The following ESYT2 variants were observed in gnomAD, a reference collection of about 807,000 sequenced individuals.
ESYT2 encodes extended synaptotagmin-2.
In ESYT2, 54 loss-of-function variants were observed where a neutral mutation model predicts 107.2. The observed-to-expected ratio is 0.50, with a 90% CI of 0.40 to 0.63. The LOEUF is 0.63. ESYT2 is among the 30% of genes least tolerant of loss of function. ESYT2 has a pLI of 0.00. For synonymous variants in ESYT2, 491 were observed against 434.1 expected (o/e 1.13, Z -1.63); for missense variants, 1,020 against 1,094.5 (o/e 0.93, Z 0.96).
At chr7:158,801,990 G>C (rs1051268240) in intron 1 of ESYT2, among the ~76,000 whole-genome samples, 1 of 152,086 alleles carries the variant, frequency 6.6e-6, no homozygotes. Flanking sequence ...AAAACAAAAC[G>C]CCTCGGGGGA....
chr7:158,732,190 T>C lies in ESYT2; in HGVS notation c.*2017A>G, dbSNP rs188540295. The C allele has an allele frequency of 1.3e-5, 2 of 152,356 alleles. No individual in the cohort carries two copies. The highest frequency in any genetic ancestry group is 2.9e-5 in the Non-Finnish European group (2 of 68,028). 9.4% of individuals were successfully genotyped at this position (152,356 alleles called of 1,614,324 possible). ...TGTATGGGATGTTGGTAAAAATTAC[T>C]GGCATGCTACAATTTCCATGAGTGC... On this transcript the variant is annotated 3_prime_UTR_variant, in exon 23 of 23. Coordinates refer to ENST00000275418, the MANE Select transcript of ESYT2 (RefSeq NM_001367773.1).
Position 158,788,053 on chromosome 7 carries a change from CCAAT to C in ESYT2, c.694_697del (p.Ile232GlufsTer5). ...CAAAGCTCCAACTAAGGGCATATCT[CCAAT>C]CAACGGTTCCAGGATCACCCGCATG... On this transcript the variant is annotated frameshift_variant, in exon 6 of 23. Coordinates refer to ENST00000275418, the MANE Select transcript of ESYT2 (RefSeq NM_001367773.1). LOFTEE classifies it high-confidence loss of function. 1.9e-6 allele frequency: 3 copies of C among 1,614,130 alleles called. No individual in the cohort carries two copies. The South Asian group carries it at 3.3e-5, about 18-fold the overall frequency.
rs1289788237 is a variant in ESYT2 at position 158,732,604 on chromosome 7, G to C, written c.*1603C>G. 1.3e-5 allele frequency: 2 copies of C among 152,430 alleles called. No homozygotes were observed. Among genetic ancestry groups the C allele is most frequent in the African/African-American group, 4.8e-5 (2 of 41,400 alleles). The allele number at this position is 152,430 out of a possible 1,614,324, so 9.4% of individuals were successfully genotyped here. On this transcript the variant is annotated 3_prime_UTR_variant, in exon 23 of 23. Coordinates refer to ENST00000275418, the MANE Select transcript of ESYT2 (RefSeq NM_001367773.1). Reference sequence around the variant, plus strand: ...TCAAAATCTGCTAGAAGGGAGGGTGGGTAGACAGCCACCAGCCTTGTTTAT... The same window carrying C: ...TCAAAATCTGCTAGAAGGGAGGGTGCGTAGACAGCCACCAGCCTTGTTTAT...
chr7:158,797,141 A>G (rs1391612356), intron 3 of ESYT2, among the ~76,000 whole-genome samples: 3 of 152,166 alleles, frequency 2.0e-5, no homozygotes, highest in Non-Finnish European at 2.9e-5. Flanking sequence ...TCTTCAGAAC[A>G]TAATTTGAAG....
chr7:158,764,003 T>C (rs993067618), intron 9 of ESYT2, among the ~76,000 whole-genome samples: 4 of 152,174 alleles, frequency 2.6e-5, no homozygotes, highest in African/African-American at 4.8e-5. Context: ...TACACATACG[T>C]CAGTCCTTTA....
At chr7:158,811,574 C>T (rs917846123) in intron 1 of ESYT2, among the ~76,000 whole-genome samples, 7 of 152,350 alleles carry the variant, frequency 4.6e-5, no homozygotes, top group Non-Finnish European at 8.8e-5. Flanking sequence ...CACAAGCTCC[C>T]GCACATGTGC....
chr7:158,783,621 G>A (rs1158845878), intron 6 of ESYT2, among the ~76,000 whole-genome samples: 2 of 152,222 alleles, frequency 1.3e-5, no homozygotes, highest in Non-Finnish European at 2.9e-5. Context: ...CAGCTCTGAG[G>A]GAGGAGAGGC....
intron 1 of ESYT2, among the ~76,000 whole-genome samples, chr7:158,808,930 T>C (rs374872631): frequency 5.3e-4 from 81 of 151,850 alleles, no homozygotes; most frequent in African/African-American, 1.9e-3. Flanking sequence ...GAGCCGAGAC[T>C]GCGCCATTAC....
At position 158,829,424 on chromosome 7, in the gene ESYT2, C is replaced by G; in HGVS notation, c.-6G>C. On this transcript the variant is annotated 5_prime_UTR_variant, in exon 1 of 23. Transcript: ENST00000275418. ...TCGCCCCGGGCGCCGCTCATCGCCCCGCAGTGCCGCGCTGCCCTCCCGGCC... is the reference window on the plus strand; with the variant it reads ...TCGCCCCGGGCGCCGCTCATCGCCCGGCAGTGCCGCGCTGCCCTCCCGGCC... 8.4e-7 allele frequency: 1 copy of G among 1,185,262 alleles called. No individual in the cohort carries two copies. The highest frequency in any genetic ancestry group is 1.0e-6 in the Non-Finnish European group (1 of 962,150). The allele number at this position is 1,185,262 out of a possible 1,614,324, so 73.4% of individuals were successfully genotyped here. A position where few individuals can be genotyped will look rare whatever the true frequency, so the allele number is the denominator to read the frequency against.
intron 6 of ESYT2, among the ~76,000 whole-genome samples, chr7:158,780,613 T>C (rs1461050138): frequency 1.3e-5 from 2 of 152,232 alleles, no homozygotes; most frequent in African/African-American, 4.8e-5. Context: ...GAAGTTTTAG[T>C]ATAAGCTTGT....
At chr7:158,761,651 T>A (rs191091375) in intron 10 of ESYT2, 107 bp from the exon 11 acceptor site, 5 of 1,014,048 alleles carry the variant, frequency 4.9e-6, no homozygotes, top group Non-Finnish European at 7.5e-6. Context: ...CCTTAAGCAT[T>A]TGTCTATGAA....
At chr7:158,766,835 A>G (rs1001155124) in intron 8 of ESYT2, among the ~76,000 whole-genome samples, 1 of 152,244 alleles carries the variant, frequency 6.6e-6, no homozygotes, top group African/African-American at 2.4e-5. Flanking sequence ...TCCAAAGTCC[A>G]GACAGACTTA....
intron 13 of ESYT2, among the ~76,000 whole-genome samples, chr7:158,755,212 T>C (rs1395846940): frequency 1.3e-5 from 2 of 152,174 alleles, no homozygotes; most frequent in South Asian, 2.1e-4. Context: ...GAGCACTGGG[T>C]TGGCAGCCGT....
chr7:158,743,800 G>A, intron 16 of ESYT2, 122 bp from the exon 17 acceptor site: 3 of 1,164,858 alleles, frequency 2.6e-6, no homozygotes, highest in South Asian at 3.5e-5. Context: ...GTAGAAAGGG[G>A]CCAGGTGGGG....
intron 6 of ESYT2, among the ~76,000 whole-genome samples, chr7:158,785,459 AAAT>A (rs1310683655): frequency 3.3e-5 from 5 of 151,636 alleles, no homozygotes; most frequent in African/African-American, 1.2e-4. Context: ...ATAAATAAAT[AAAT>A]AAATAAATAA....
chr7:158,746,895 T>TA (rs1172978303), intron 16 of ESYT2, among the ~76,000 whole-genome samples: 1 of 151,662 alleles, frequency 6.6e-6, no homozygotes, highest in African/African-American at 2.4e-5. Flanking sequence ...CTACAAAAAA[T>TA]AAAAAAATTA....
chr7:158,778,207 A>C (rs1352985696), intron 6 of ESYT2, among the ~76,000 whole-genome samples: 1 of 152,188 alleles, frequency 6.6e-6, no homozygotes, highest in Non-Finnish European at 1.5e-5. Context: ...GCATTTTTCA[A>C]TGTCATTATC....
intron 20 of ESYT2, among the ~76,000 whole-genome samples, chr7:158,736,596 C>T (rs902481491): frequency 1.4e-5 from 2 of 142,118 alleles, no homozygotes; most frequent in African/African-American, 5.6e-5. Flanking sequence ...AACAATAATA[C>T]CATTCTTTTC....
rs183415894 is a variant in ESYT2, at chr7:158,751,106, T to G, written c.1483-1383A>C. Reference sequence around the variant, plus strand: ...TTTTTCCCCAATTTTCTAACATCTCTGAAAACAGAATGAATCTTAAATCGA... The same window carrying G: ...TTTTTCCCCAATTTTCTAACATCTCGGAAAACAGAATGAATCTTAAATCGA... On this transcript the variant is annotated intron_variant, in intron 14 of 22. Coordinates refer to ENST00000275418, the MANE Select transcript of ESYT2 (RefSeq NM_001367773.1). 3.3e-3 allele frequency among the ~76,000 whole-genome samples: 504 copies of G among 152,328 alleles called. 1 individual carries two copies. The highest frequency in any genetic ancestry group is 0.012 in the African/African-American group (489 of 41,574).
Sources: allele counts gnomAD v4.1 joint callset (sites outside exome capture counted in the v4.1 genomes callset), GRCh38; gene constraint gnomAD v4.1.1; transcripts MANE v1.5; gene names NCBI Gene and HGNC (gene_info 2026-07-23, HGNC 2026-07-21).